The following ABCC9 variants were observed in gnomAD, a reference collection of about 807,000 sequenced individuals.
The protein encoded by ABCC9 is ATP binding cassette subfamily C member 9.
In ABCC9, 95 loss-of-function variants were observed where a neutral mutation model predicts 188.3. The observed-to-expected ratio is 0.50, with a 90% CI of 0.43 to 0.60. The LOEUF is 0.60. ABCC9 is among the 20% of genes least tolerant of loss of function. The probability of loss-of-function intolerance (pLI) is 0.00; values close to 1 mark genes in which losing one functional copy is unlikely to be tolerated. For synonymous variants in ABCC9, 659 were observed against 652.7 expected (o/e 1.01, Z -0.15); for missense variants, 1,102 against 1,876.3 (o/e 0.59, Z 7.62).
chr12:21,864,998 C>A (rs74067812), intron 18 of ABCC9, among the ~76,000 whole-genome samples: 223 of 152,190 alleles, frequency 1.5e-3, no homozygotes, highest in African/African-American at 5.1e-3. Context: ...CACCAGAAAC[C>A]AAACTACATC....
intron 6 of ABCC9, among the ~76,000 whole-genome samples, chr12:21,916,137 C>A (rs536872096): frequency 1.3e-5 from 2 of 152,168 alleles, no homozygotes; most frequent in Admixed American, 6.6e-5. Context: ...GGGGTCAATT[C>A]TAAAAGATCA....
intron 16 of ABCC9, among the ~76,000 whole-genome samples, chr12:21,875,964 G>GGAAGCC (rs1292785574): frequency 6.6e-6 from 1 of 151,914 alleles, no homozygotes; most frequent in East Asian, 1.9e-4. Context: ...GGCGCCTGTA[G>GGAAGCC]TCCCAGCTAC....
intron 15 of ABCC9, among the ~76,000 whole-genome samples, chr12:21,885,528 T>C (rs1392194020): frequency 6.6e-6 from 1 of 152,182 alleles, no homozygotes; most frequent in East Asian, 1.9e-4. Flanking sequence ...CTTATCCCCC[T>C]ATCTCTGAAA....
intron 29 of ABCC9, 38 bp from the exon 30 acceptor site, chr12:21,838,208 T>G: frequency 7.4e-7 from 1 of 1,344,582 alleles, no homozygotes. Flanking sequence ...TTCATGTGCA[T>G]CCAGACTCAA....
At chr12:21,897,328 T>C (rs1456319862) in intron 12 of ABCC9, among the ~76,000 whole-genome samples, 2 of 152,214 alleles carry the variant, frequency 1.3e-5, no homozygotes, top group Non-Finnish European at 2.9e-5. Flanking sequence ...AATTTTCAGA[T>C]GGATAGATCG....
chr12:21,852,381 G>C lies in ABCC9; in HGVS notation c.2630C>G (p.Thr877Arg). Residue 877 changes from threonine (T) to arginine (R), a missense_variant, in exon 23 of 40, where the codon ACG (threonine) becomes AGG (arginine). Transcript: ENST00000261200. Reference protein sequence around the residue: ...VLVTHKLQYLTHADWIIAMKD... With the variant: ...VLVTHKLQYLRHADWIIAMKD... ...CTAAACTCTTACCCAGTCAGCATGCGTCAGATACTGTAATTTGTGAGTCAC... is the reference window on the plus strand; with the variant it reads ...CTAAACTCTTACCCAGTCAGCATGCCTCAGATACTGTAATTTGTGAGTCAC... 1 of 1,613,866 alleles carries C rather than the reference G, an allele frequency of 6.2e-7. No individual in the cohort carries two copies. The highest frequency in any genetic ancestry group is 8.5e-7 in the Non-Finnish European group (1 of 1,179,966).
intron 14 of ABCC9, among the ~76,000 whole-genome samples, chr12:21,892,493 C>T (rs560116338): frequency 1.3e-5 from 2 of 152,256 alleles, no homozygotes; most frequent in Admixed American, 6.5e-5. Context: ...TTTGAAGTAG[C>T]TTCCCTTCCA....
At chr12:21,827,030 G>T in intron 31 of ABCC9, 3 of 718,480 alleles carry the variant, frequency 4.2e-6, no homozygotes, top group Non-Finnish European at 5.1e-6. Context: ...TGTTTCAGGT[G>T]TCAGTATTTT....
chr12:21,919,148 A>G (rs1437770998), intron 5 of ABCC9, among the ~76,000 whole-genome samples: 1 of 152,042 alleles, frequency 6.6e-6, no homozygotes, highest in Non-Finnish European at 1.5e-5. Context: ...GGAAAGAATA[A>G]AAAAGGATCC....
intron 36 of ABCC9, among the ~76,000 whole-genome samples, chr12:21,810,672 C>T (rs1942175207): frequency 6.6e-6 from 1 of 152,116 alleles, no homozygotes; most frequent in African/African-American, 2.4e-5. Context: ...TGGGTCCCTC[C>T]CATGACACTT....
In ABCC9 at chr12:21,917,199, A is replaced by G. The variant is rs947319399; in HGVS notation, c.407-96T>C. On this transcript the variant is annotated intron_variant, in intron 5 of 39. Coordinates refer to ENST00000261200, the MANE Select transcript of ABCC9 (RefSeq NM_020297.4). ...ATGATGCTTTTTAATAACAAAGGCA[A>G]TTTTATGTACTATATTTCCACATGG... The G allele has an allele frequency of 2.5e-6, 3 of 1,220,462 alleles. No individual in the cohort carries two copies. In the African/African-American group the frequency reaches 4.5e-5, roughly 18 times the overall value. 75.6% of individuals were successfully genotyped at this position (1,220,462 alleles called of 1,614,324 possible). A position where few individuals can be genotyped will look rare whatever the true frequency, so the allele number is the denominator to read the frequency against.
At chr12:21,871,476 C>T (rs1946072086) in intron 18 of ABCC9, among the ~76,000 whole-genome samples, 1 of 152,144 alleles carries the variant, frequency 6.6e-6, no homozygotes, top group African/African-American at 2.4e-5. Flanking sequence ...TAATTTCAGT[C>T]TGAATTTCAC....
intron 31 of ABCC9, among the ~76,000 whole-genome samples, chr12:21,818,458 A>C (rs572267237): frequency 8.3e-4 from 122 of 147,246 alleles, no homozygotes; most frequent in African/African-American, 2.7e-3. Flanking sequence ...CTCTCACTAT[A>C]TATATCTATA....
chr12:21,815,956 T>C, intron 33 of ABCC9, 63 bp from the exon 34 acceptor site: 8 of 1,369,598 alleles, frequency 5.8e-6, no homozygotes, highest in Middle Eastern at 1.9e-4. Context: ...TAGAAAGAAA[T>C]GTATACATAC....
At chr12:21,908,510 C>A (rs1453325174) in intron 10 of ABCC9, among the ~76,000 whole-genome samples, 2 of 151,842 alleles carry the variant, frequency 1.3e-5, no homozygotes, top group African/African-American at 4.8e-5. Flanking sequence ...CAAAGTGGTC[C>A]CATGACACTT....
At chr12:21,858,315 T>A (rs1945330839) in intron 22 of ABCC9, among the ~76,000 whole-genome samples, 1 of 152,042 alleles carries the variant, frequency 6.6e-6, no homozygotes. Context: ...GGCTCACAAC[T>A]GTAATCCTAG....
chr12:21,807,167 T>C (rs1411995633), intron 38 of ABCC9, among the ~76,000 whole-genome samples, 179 bp downstream of exon 38: 5 of 152,210 alleles, frequency 3.3e-5, no homozygotes, highest in Non-Finnish European at 7.3e-5. Flanking sequence ...CAACCATATG[T>C]TGGGCCCTAT....
Position 21,910,141 on chromosome 12 carries a change from A to G in ABCC9, c.1320+16T>C, listed in dbSNP as rs1427520801. On this transcript the variant is annotated intron_variant, in intron 10 of 39. Transcript: ENST00000261200. ...TCCTCTGCAGACAAAAATCTTACTT[A>G]TATTTATCTACCTACCTGAACAGGC... 2 of 1,602,890 alleles carry G rather than the reference A, an allele frequency of 1.2e-6. No individual in the cohort carries two copies. Among genetic ancestry groups the G allele is most frequent in the Non-Finnish European group, 1.7e-6 (2 of 1,170,840 alleles).
At position 21,933,769 on chromosome 12, in the gene ABCC9, T is replaced by C. The variant is rs1351131883; in HGVS notation, c.284+13A>G. The C allele has an allele frequency of 3.7e-6, 6 of 1,613,196 alleles. No homozygotes were observed. In the Admixed American group the frequency reaches 6.7e-5, roughly 18 times the overall value. Reference sequence around the variant, plus strand: ...GTATACTGCAGTGGTATTATTTAACTTAGATCACTTACGAGTCTGAAACAA... The same window carrying C: ...GTATACTGCAGTGGTATTATTTAACCTAGATCACTTACGAGTCTGAAACAA... On this transcript the variant is annotated intron_variant, in intron 4 of 39. Transcript: ENST00000261200.
Sources: gnomAD v4.1 joint callset for allele counts (sites outside exome capture counted in the v4.1 genomes callset) on GRCh38, gnomAD v4.1.1 for gene constraint, MANE v1.5 for transcripts, NCBI Gene and HGNC (gene_info 2026-07-23, HGNC 2026-07-21) for gene names.